ARHGEF10L: variants seen among roughly 807,000 people sequenced by gnomAD.
ARHGEF10L encodes Rho guanine nucleotide exchange factor 10 like, also known as rho guanine nucleotide exchange factor 10-like protein.
In ARHGEF10L, 69 loss-of-function variants were observed where a neutral mutation model predicts 141.2. The ratio of observed to expected loss-of-function variants is 0.49; its 90% CI spans 0.40 to 0.60. The LOEUF (loss-of-function observed/expected upper bound fraction) is 0.60. Among genes scored for constraint, ARHGEF10L ranks in the 20% least tolerant of loss-of-function variants. The pLI, the probability that ARHGEF10L is intolerant of heterozygous loss-of-function variation, is 0.00. For synonymous variants in ARHGEF10L, 711 were observed against 718.5 expected, an observed-to-expected ratio of 0.99 and a Z score of 0.17; for missense variants, 1,482 against 1,734.3, an observed-to-expected ratio of 0.85 and a Z score of 2.58.
At chr1:17,592,092 C>T (rs561297064) in intron 4 of ARHGEF10L, among the ~76,000 whole-genome samples, 8 of 152,254 alleles carry the variant, frequency 5.3e-5, no homozygotes, top group African/African-American at 7.2e-5. Flanking sequence ...CCTGAGCTCT[C>T]GCTGGGGGAG....
chr1:17,592,563 A>G (rs2079643363), intron 4 of ARHGEF10L, among the ~76,000 whole-genome samples: 1 of 152,140 alleles, frequency 6.6e-6, no homozygotes, highest in African/African-American at 2.4e-5. Context: ...CAGGCTCAGC[A>G]AAGCAGTATT....
chr1:17,552,045 G>A (rs2077130385), intron 1 of ARHGEF10L, among the ~76,000 whole-genome samples: 1 of 152,180 alleles, frequency 6.6e-6, no homozygotes, highest in Non-Finnish European at 1.5e-5. Context: ...GAGCTGCACG[G>A]GTTATTTAAG....
intron 1 of ARHGEF10L, among the ~76,000 whole-genome samples, chr1:17,547,311 G>A (rs935212302): frequency 6.6e-6 from 1 of 152,238 alleles, no homozygotes; most frequent in African/African-American, 2.4e-5. Context: ...GGCAGTGCAG[G>A]TGGTTTGTGA....
chr1:17,562,593 G>A (rs1400728914), intron 1 of ARHGEF10L, among the ~76,000 whole-genome samples: 1 of 152,254 alleles, frequency 6.6e-6, no homozygotes, highest in Non-Finnish European at 1.5e-5. Context: ...GCAGTGCTGA[G>A]ATTTCAGGTG....
Position 17,697,139 on chromosome 1 carries a change from C to A in ARHGEF10L, c.3599C>A (p.Ala1200Asp), listed in dbSNP as rs2065568141. 1 of 1,611,590 alleles carries A rather than the reference C, an allele frequency of 6.2e-7. No homozygotes were observed. The highest frequency in any genetic ancestry group is 8.5e-7 in the Non-Finnish European group (1 of 1,179,284). ...GAGCCGGCGCCTGCTGATGGCGCAG[C>A]TTTGGAGCACAGCGAGGAGGACGGC... ...MREPAPADGA[A>D]LEHSEEDGSI... Residue 1200 changes from alanine to aspartate, a missense_variant, in exon 29 of 29, where the codon GCT (alanine) becomes GAT (aspartate). Ala to Asp is a moderately radical substitution (Grantham distance 126). This residue lies in a region of ARHGEF10L where 858 missense variants were observed against 966.3 expected (regional missense o/e 0.89). Transcript: ENST00000361221. The surrounding 1 kb of genome is among the most constrained non-coding windows in gnomAD (Gnocchi z 4.8).
chr1:17,685,582 T>G (rs922350292), intron 26 of ARHGEF10L, among the ~76,000 whole-genome samples: 10 of 152,278 alleles, frequency 6.6e-5, no homozygotes, highest in African/African-American at 2.4e-4. Flanking sequence ...CACTATCTGA[T>G]GTAATCTTTC....
intron 5 of ARHGEF10L, among the ~76,000 whole-genome samples, chr1:17,602,847 A>G (rs1020473132): frequency 5.3e-5 from 8 of 150,676 alleles, no homozygotes; most frequent in African/African-American, 1.9e-4. Flanking sequence ...GGGTGGGGGC[A>G]GTGTAGGAGA....
intron 25 of ARHGEF10L, 137 bp from the exon 26 acceptor site, chr1:17,664,310 T>C: frequency 1.0e-6 from 1 of 981,864 alleles, no homozygotes; most frequent in Non-Finnish European, 1.4e-6. Context: ...ACCACCCAGC[T>C]GATGGAGAGA....
intron 4 of ARHGEF10L, among the ~76,000 whole-genome samples, chr1:17,599,500 T>C (rs1017216421): frequency 2.6e-5 from 4 of 152,164 alleles, no homozygotes; most frequent in Non-Finnish European, 4.4e-5. Context: ...TCACGTCTGT[T>C]CCAGCCGGAA....
Position 17,697,479 on chromosome 1 carries a change from T to C in ARHGEF10L, c.*99T>C. The C allele has an allele frequency of 1.4e-6, 2 of 1,422,444 alleles. No homozygotes were observed. Among genetic ancestry groups the C allele is most frequent in the Middle Eastern group, 2.5e-4 (1 of 4,072 alleles). 88.1% of individuals were successfully genotyped at this position (1,422,444 alleles called of 1,614,324 possible). On this transcript the variant is annotated 3_prime_UTR_variant, in exon 29 of 29. Coordinates refer to ENST00000361221, the MANE Select transcript of ARHGEF10L (RefSeq NM_018125.4). The surrounding 1 kb of genome is among the most constrained non-coding windows in gnomAD (Gnocchi z 4.8). Reference sequence around the variant, plus strand: ...CCTGCACGGGACTTGTGGATGGGCCTGGACTCTCCAGAAACTACTTGGGCA... The same window carrying C: ...CCTGCACGGGACTTGTGGATGGGCCCGGACTCTCCAGAAACTACTTGGGCA...
At chr1:17,687,880 T>C in intron 27 of ARHGEF10L, 133 bp downstream of exon 27, 1 of 1,011,606 alleles carries the variant, frequency 9.9e-7, no homozygotes, top group Non-Finnish European at 1.4e-6. Flanking sequence ...TTTGGGGCAC[T>C]CCCCAGGAAG....
At chr1:17,629,028 A>T (rs1252541514) in intron 15 of ARHGEF10L, among the ~76,000 whole-genome samples, 6 of 151,700 alleles carry the variant, frequency 4.0e-5, no homozygotes, top group African/African-American at 1.2e-4. Context: ...TATTTAATTT[A>T]ATTTTATTTT....
At chr1:17,584,857 GCACACACACA>G (rs140219740) in intron 2 of ARHGEF10L, among the ~76,000 whole-genome samples, 1 of 140,986 alleles carries the variant, frequency 7.1e-6, no homozygotes, top group Non-Finnish European at 1.5e-5. Context: ...ACGTGTGCGT[GCACACACACA>G]CACACACACA....
the ARHGEF10L span, among the ~76,000 whole-genome samples, chr1:17,526,994 C>A: frequency 1.3e-5 from 2 of 152,050 alleles, no homozygotes; most frequent in Non-Finnish European, 2.9e-5. Context: ...TCCATTCAGG[C>A]GGGCGGATGT....
At chr1:17,548,368 C>A (rs189317803) in intron 1 of ARHGEF10L, among the ~76,000 whole-genome samples, 6 of 151,760 alleles carry the variant, frequency 4.0e-5, no homozygotes, top group Non-Finnish European at 5.9e-5. Context: ...TAACAAAGGG[C>A]GATAAATTGT....
chr1:17,696,647 G>A (rs1368108494), intron 28 of ARHGEF10L, among the ~76,000 whole-genome samples: 2 of 152,194 alleles, frequency 1.3e-5, no homozygotes, highest in Non-Finnish European at 2.9e-5. Flanking sequence ...TGTATAAGGT[G>A]GTTTCTGTTC....
At chr1:17,649,898 G>A (rs573492288) in intron 22 of ARHGEF10L, among the ~76,000 whole-genome samples, 1 of 152,304 alleles carries the variant, frequency 6.6e-6, no homozygotes, top group African/African-American at 2.4e-5. Context: ...GGGGAAGCCA[G>A]GCGAGGCAGG....
At chr1:17,515,783 C>G in the ARHGEF10L span, among the ~76,000 whole-genome samples, 2 of 150,408 alleles carry the variant, frequency 1.3e-5, no homozygotes, top group African/African-American at 2.4e-5. Context: ...ACTGGGAGAA[C>G]AGGTGTGCAC....
rs994365721 is a variant in ARHGEF10L at position 17,619,415 on chromosome 1, C to T, written c.912C>T (p.Gly304=). Residue 304 remains glycine (G), a synonymous_variant, in exon 10 of 29, where the codon GGC becomes GGT. Transcript: ENST00000361221. This position sits in a 1 kb window ranked among gnomAD's most constrained non-coding sequence, Gnocchi z 5.0. ...SDIKPPAPEL[G]PMPEGLSPQQ... ...TCAAGCCCCCAGCCCCAGAGCTGGGCCCCATGCCAGAGGGCCTGAGCCCTC... is the reference window on the plus strand; with the variant it reads ...TCAAGCCCCCAGCCCCAGAGCTGGGTCCCATGCCAGAGGGCCTGAGCCCTC... The T allele has an allele frequency of 9.3e-6, 15 of 1,611,426 alleles. No individual in the cohort carries two copies. In the East Asian group the frequency reaches 3.3e-4, roughly 36 times the overall value.
Sources: allele counts gnomAD v4.1 joint callset (sites outside exome capture counted in the v4.1 genomes callset), GRCh38; gene constraint gnomAD v4.1.1; regional missense constraint gnomAD v4.1.1; non-coding constraint Gnocchi (gnomAD v3.1); transcripts MANE v1.5; gene names NCBI Gene and HGNC (gene_info 2026-07-23, HGNC 2026-07-21).